The following SMIM15 variants were observed in gnomAD, a reference collection of about 807,000 sequenced individuals.
SMIM15 encodes small integral membrane protein 15.
Under a neutral mutation model 6.8 loss-of-function variants are expected in SMIM15, and 5 were observed. The observed-to-expected ratio is 0.74, with a 90% confidence interval of 0.39 to 1.56. The LOEUF (loss-of-function observed/expected upper bound fraction) is 1.56, where lower values mean the gene tolerates loss of function less well. SMIM15 is among the 40% of genes most tolerant of loss of function. SMIM15 has a pLI of 0.03. For missense variants in SMIM15, 81 were observed against 84.8 expected, an observed-to-expected ratio of 0.96 and a Z score of 0.18; for synonymous variants, 30 against 30.8, an observed-to-expected ratio of 0.97 and a Z score of 0.09.
In SMIM15 at chr5:61,159,584, C is replaced by T; in HGVS notation, c.*363G>A. The T allele has an allele frequency of 4.2e-6, 1 of 235,768 alleles. No homozygotes were observed. The highest frequency in any genetic ancestry group is 8.4e-6 in the Non-Finnish European group (1 of 119,568). 14.6% of individuals were successfully genotyped at this position (235,768 alleles called of 1,614,324 possible). On this transcript the variant is annotated 3_prime_UTR_variant, in exon 3 of 3. Transcript: ENST00000339020. ...TAATTTCCTTTGTCCAAAATAGGACCCCATTTTAAATAGAGTTCATTTGAA... is the reference window on the plus strand; with the variant it reads ...TAATTTCCTTTGTCCAAAATAGGACTCCATTTTAAATAGAGTTCATTTGAA...
At chr5:61,160,568 G>A (rs1579861253) in intron 2 of SMIM15, among the ~76,000 whole-genome samples, 1 of 152,126 alleles carries the variant, frequency 6.6e-6, no homozygotes, top group East Asian at 1.9e-4. Flanking sequence ...GGTCATTCCA[G>A]GAAACAGCTG....
rs201591595 is a variant in SMIM15 at position 61,158,575 on chromosome 5, A to T, written c.*1372T>A. The T allele has an allele frequency of 4.3e-5, 1 of 23,190 alleles. No homozygotes were observed. Among genetic ancestry groups the T allele is most frequent in the African/African-American group, 1.0e-4 (1 of 9,734 alleles). 1.4% of individuals were successfully genotyped at this position (23,190 alleles called of 1,614,324 possible). A position where few individuals can be genotyped will look rare whatever the true frequency, so the allele number is the denominator to read the frequency against. On this transcript the variant is annotated 3_prime_UTR_variant, in exon 3 of 3. Transcript: ENST00000339020. ...TGTAACTTAAAATGTTAGTTCCTCC[A>T]AAAAAAAAAAAAAAATCCAGGACCT...
Position 61,160,103 on chromosome 5 carries a change from A to G in SMIM15, c.69T>C (p.Leu23=). Reference sequence around the variant, plus strand: ...GAGTAAGGGCCAAAATAACGGTTGTAAGGAAGCCATAGGGGTCCTTTGCAG... The same window carrying G: ...GAGTAAGGGCCAAAATAACGGTTGTGAGGAAGCCATAGGGGTCCTTTGCAG... ...EWAAKDPYGF[L]TTVILALTPL... is the part of the protein sequence containing the mutation. The change falls in exon 3 of 3, where the codon CTT becomes CTC. Residue 23 remains leucine (L), a synonymous_variant. Transcript: ENST00000339020. The G allele has an allele frequency of 7.4e-6, 12 of 1,614,200 alleles. No individual in the cohort carries two copies. Among genetic ancestry groups the G allele is most frequent in the Non-Finnish European group, 1.0e-5 (12 of 1,180,028 alleles).
chr5:61,160,717 G>A lies in SMIM15; in HGVS notation c.-29+371C>T, dbSNP rs150902376. On this transcript the variant is annotated intron_variant, in intron 2 of 2. Transcript: ENST00000339020. ...GAGAAGGAGAGATGACTATTTCCCC[G>A]AATGGGAAGGAGAGGGTAAGGGAGT... Among the ~76,000 whole-genome samples, 318 of 152,322 alleles carry A rather than the reference G, an allele frequency of 2.1e-3. 7 individuals are homozygous for A. Among genetic ancestry groups the A allele is most frequent in the East Asian group, 0.019 (98 of 5,190 alleles).
At chr5:61,160,313 C>T in intron 2 of SMIM15, 114 bp from the exon 3 acceptor site, 2 of 730,066 alleles carry the variant, frequency 2.7e-6, no homozygotes, top group Non-Finnish European at 4.5e-6. Context: ...ATTCCATTAT[C>T]ACTCAGTTTG....
intron 1 of SMIM15, among the ~76,000 whole-genome samples, chr5:61,161,800 C>T (rs6863749): frequency 0.14 from 21,501 of 152,164 alleles, 1,829 homozygotes; most frequent in African/African-American, 0.24. Flanking sequence ...CAACTGAACA[C>T]ACATGAAAGT....
At position 61,160,201 on chromosome 5, in the gene SMIM15, TG is replaced by T; in HGVS notation, c.-28-3del. 1 of 1,599,536 alleles carries T rather than the reference TG, an allele frequency of 6.3e-7. No individual in the cohort carries two copies. Among genetic ancestry groups the T allele is most frequent in the Non-Finnish European group, 8.5e-7 (1 of 1,171,304 alleles). On this transcript the variant is annotated splice_polypyrimidine_tract_variant and splice_region_variant and intron_variant, in intron 2 of 2. Coordinates refer to ENST00000339020, the MANE Select transcript of SMIM15 (RefSeq NM_001048249.4). ...ACAGCAGTCTTATGAAAACTGGGGC[TG>T]GGGGAGGCGGGTGGAGAACACAGAG... is the stretch of plus-strand genomic sequence containing the variant.
At chr5:61,160,781 C>A (rs1056132653) in intron 2 of SMIM15, among the ~76,000 whole-genome samples, 1 of 152,182 alleles carries the variant, frequency 6.6e-6, no homozygotes, top group African/African-American at 2.4e-5. Context: ...GCAAAAAGTA[C>A]TGTGCTATTT....
Position 61,160,079 on chromosome 5 carries a change from A to T in SMIM15, c.93T>A (p.Thr31=), listed in dbSNP as rs1051801104. ...GTACAGCACTTGCTAGGAACAGTGG[A>T]GTAAGGGCCAAAATAACGGTTGTAA... ...GFLTTVILAL[T]PLFLASAVLS... The change falls in exon 3 of 3, where the codon ACT becomes ACA. Residue 31 remains threonine, a synonymous_variant. Transcript: ENST00000339020. The T allele has an allele frequency of 6.2e-6, 10 of 1,614,050 alleles. No homozygotes were observed. The African/African-American group carries it at 1.2e-4, about 19-fold the overall frequency.
Position 61,158,380 on chromosome 5 carries a change from G to A in SMIM15, c.*1567C>T, listed in dbSNP as rs2111845468. On this transcript the variant is annotated 3_prime_UTR_variant, in exon 3 of 3. Coordinates refer to ENST00000339020, the MANE Select transcript of SMIM15 (RefSeq NM_001048249.4). ...ATTTCAGTGCCTTGAGTTATAATGT[G>A]TTGCTCACACTGGCACCAAGTAGAG... 1 of 152,076 alleles carries A rather than the reference G, an allele frequency of 6.6e-6. No individual in the cohort carries two copies. The highest frequency in any genetic ancestry group is 1.9e-4 in the East Asian group (1 of 5,176). 9.4% of individuals were successfully genotyped at this position (152,076 alleles called of 1,614,324 possible). A position where few individuals can be genotyped will look rare whatever the true frequency, so the allele number is the denominator to read the frequency against.
rs1741432069 is a variant in SMIM15 at position 61,162,161 on chromosome 5, C to G, written c.-169+56G>C. 1 of 152,726 alleles carries G rather than the reference C, an allele frequency of 6.5e-6. No homozygotes were observed. The highest frequency in any genetic ancestry group is 2.4e-5 in the African/African-American group (1 of 41,484). The allele number at this position is 152,726 out of a possible 1,614,324, so 9.5% of individuals were successfully genotyped here. A position where few individuals can be genotyped will look rare whatever the true frequency, so the allele number is the denominator to read the frequency against. Reference sequence around the variant, plus strand: ...CACTTGACGGCCGTCCGCACTTCCTCCTTTGTCTTTCCCTTATTCCTTACG... The same window carrying G: ...CACTTGACGGCCGTCCGCACTTCCTGCTTTGTCTTTCCCTTATTCCTTACG... On this transcript the variant is annotated intron_variant, in intron 1 of 2. Coordinates refer to ENST00000339020, the MANE Select transcript of SMIM15 (RefSeq NM_001048249.4). This position sits in a 1 kb window ranked among gnomAD's most constrained non-coding sequence, Gnocchi z 4.4.
chr5:61,160,938 C>T (rs1298378217), intron 2 of SMIM15, 150 bp downstream of exon 2: 1 of 152,172 alleles, frequency 6.6e-6, no homozygotes, highest in African/African-American at 2.4e-5. Flanking sequence ...ACTTGAGTGA[C>T]GTTTTCTATT....
In SMIM15 at chr5:61,159,037, T is replaced by C. The variant is rs2111846223; in HGVS notation, c.*910A>G. ...TTGAACCTGTTTGATCAGAAAGTAT[T>C]AAATATCACTACCACATGAGTTAAA... is the stretch of plus-strand genomic sequence containing the variant. On this transcript the variant is annotated 3_prime_UTR_variant, in exon 3 of 3. Transcript: ENST00000339020. The C allele has an allele frequency of 6.6e-6, 1 of 152,328 alleles. No individual in the cohort carries two copies. The highest frequency in any genetic ancestry group is 1.5e-5 in the Non-Finnish European group (1 of 68,010). 9.4% of individuals were successfully genotyped at this position (152,328 alleles called of 1,614,324 possible).
At chr5:61,161,048 T>G in intron 2 of SMIM15, 40 bp downstream of exon 2, 1 of 152,110 alleles carries the variant, frequency 6.6e-6, no homozygotes, top group Non-Finnish European at 1.5e-5. Flanking sequence ...ATACATCCAC[T>G]TACAATTTCA....
chr5:61,158,896 C>T lies in SMIM15; in HGVS notation c.*1051G>A, dbSNP rs1453799426. The T allele has an allele frequency of 6.6e-6, 1 of 152,202 alleles. No homozygotes were observed. The highest frequency in any genetic ancestry group is 1.5e-5 in the Non-Finnish European group (1 of 68,016). The allele number at this position is 152,202 out of a possible 1,614,324, so 9.4% of individuals were successfully genotyped here. A position where few individuals can be genotyped will look rare whatever the true frequency, so the allele number is the denominator to read the frequency against. On this transcript the variant is annotated 3_prime_UTR_variant, in exon 3 of 3. Transcript: ENST00000339020. Reference sequence around the variant, plus strand: ...ATTTATCCTTTTCACCCAATCACTACTATGCCCAACAAAATGTTTCCAAAT... The same window carrying T: ...ATTTATCCTTTTCACCCAATCACTATTATGCCCAACAAAATGTTTCCAAAT...
At position 61,159,889 on chromosome 5, in the gene SMIM15, C is replaced by T. The variant is rs1741382854; in HGVS notation, c.*58G>A. The T allele has an allele frequency of 6.3e-7, 1 of 1,579,304 alleles. No individual in the cohort carries two copies. The highest frequency in any genetic ancestry group is 1.1e-5 in the South Asian group (1 of 89,318). ...AAAGAAGAAACTTTAGTGGATTCTT[C>T]CAAAGCTGTGTAATTTTCCAAATGA... On this transcript the variant is annotated 3_prime_UTR_variant, in exon 3 of 3. Transcript: ENST00000339020.
In SMIM15 at chr5:61,161,069, T is replaced by G. The variant is rs1164030291; in HGVS notation, c.-29+19A>C. On this transcript the variant is annotated intron_variant, in intron 2 of 2. Transcript: ENST00000339020. ...CCACTTACAATTTCAACTGGAATTT[T>G]TTTAAAAAAATCATCTACCTTATGC... The G allele has an allele frequency of 6.6e-6, 1 of 152,144 alleles. No individual in the cohort carries two copies. The highest frequency in any genetic ancestry group is 1.5e-5 in the Non-Finnish European group (1 of 68,020). 9.4% of individuals were successfully genotyped at this position (152,144 alleles called of 1,614,324 possible). A position where few individuals can be genotyped will look rare whatever the true frequency, so the allele number is the denominator to read the frequency against.
rs758737603 is a variant in SMIM15 at position 61,159,977 on chromosome 5, A to G, written c.195T>C (p.Ile65=). The stretch of plus-strand genomic sequence containing the variant: ...CCTTTTTTAGTCGTTTAGCTTTTGC[A>G]ATGTTTTCTTGGCGTTTTTGCTTCT... ...QKKKQKRQEN[I]AKAKRLKKD The change falls in exon 3 of 3, where the codon ATT becomes ATC. Residue 65 remains isoleucine, a synonymous_variant. Transcript: ENST00000339020. 3 of 1,613,238 alleles carry G rather than the reference A, an allele frequency of 1.9e-6. No homozygotes were observed. Among genetic ancestry groups the G allele is most frequent in the Non-Finnish European group, 2.5e-6 (3 of 1,180,012 alleles).
At position 61,159,767 on chromosome 5, in the gene SMIM15, C is replaced by G; in HGVS notation, c.*180G>C. The G allele has an allele frequency of 1.5e-6, 1 of 658,454 alleles. No homozygotes were observed. Among genetic ancestry groups the G allele is most frequent in the South Asian group, 2.0e-5 (1 of 50,046 alleles). The allele number at this position is 658,454 out of a possible 1,614,324, so 40.8% of individuals were successfully genotyped here. A position where few individuals can be genotyped will look rare whatever the true frequency, so the allele number is the denominator to read the frequency against. Reference sequence around the variant, plus strand: ...CAATAGAAACCTATAAACTTCTACACCCACGCCTAAAAGTTACTATAGTAT... The same window carrying G: ...CAATAGAAACCTATAAACTTCTACAGCCACGCCTAAAAGTTACTATAGTAT... On this transcript the variant is annotated 3_prime_UTR_variant, in exon 3 of 3. Transcript: ENST00000339020.
Sources: allele counts gnomAD v4.1 joint callset (sites outside exome capture counted in the v4.1 genomes callset), GRCh38; gene constraint gnomAD v4.1.1; non-coding constraint Gnocchi (gnomAD v3.1); transcripts MANE v1.5; gene names NCBI Gene and HGNC (gene_info 2026-07-23, HGNC 2026-07-21).